ZNF221: variants seen among roughly 807,000 people sequenced by gnomAD.
The protein encoded by ZNF221 is zinc finger protein 221.
ZNF221 carries 10 observed loss-of-function variants against 12.6 expected under a neutral mutation model. That is an observed-to-expected ratio of 0.79 (90% confidence interval 0.49 to 1.34). The LOEUF is 1.34. ZNF221 is among the 40% of genes most tolerant of loss of function. The pLI, the probability that ZNF221 is intolerant of heterozygous loss-of-function variation, is 0.00. For synonymous variants in ZNF221, 232 were observed against 244.0 expected, an observed-to-expected ratio of 0.95 and a Z score of 0.46; for missense variants, 661 against 721.4, an observed-to-expected ratio of 0.92 and a Z score of 0.96.
chr19:43,962,212 C>A (rs1398915602), intron 1 of ZNF221, among the ~76,000 whole-genome samples: 3 of 152,054 alleles, frequency 2.0e-5, no homozygotes, highest in African/African-American at 7.2e-5. Context: ...CCATTTCAGT[C>A]GTACGATTTA....
At chr19:43,965,706 T>A in intron 4 of ZNF221, 98 bp from the exon 5 acceptor site, 1 of 1,154,024 alleles carries the variant, frequency 8.7e-7, no homozygotes, top group South Asian at 1.7e-5. Context: ...ATGTTTCCTG[T>A]TTTCATTAAA....
rs1354234544 is a variant in ZNF221, at chr19:43,954,075, C to T, written c.-3+2675C>T. Among the ~76,000 whole-genome samples, 8 of 117,928 alleles carry T rather than the reference C, an allele frequency of 6.8e-5. No individual in the cohort carries two copies. The Admixed American group carries it at 7.9e-4, about 12-fold the overall frequency. The allele number at this position is 117,928 out of a possible 152,430, so 77.4% of individuals were successfully genotyped here. Reference sequence around the variant, plus strand: ...CCAGCCTGGGCGAGACAGAGTGAGACTCCGTCTCAAAAAAAAAAAAAAAAA... The same window carrying T: ...CCAGCCTGGGCGAGACAGAGTGAGATTCCGTCTCAAAAAAAAAAAAAAAAA... On this transcript the variant is annotated intron_variant, in intron 1 of 4. Transcript: ENST00000587682.
At chr19:43,953,807 C>T (rs1974712731) in intron 1 of ZNF221, among the ~76,000 whole-genome samples, 1 of 152,212 alleles carries the variant, frequency 6.6e-6, no homozygotes, top group East Asian at 1.9e-4. Flanking sequence ...CTCAGCCAGG[C>T]GTGGTGGCTC....
chr19:43,952,166 C>T (rs541201349), intron 1 of ZNF221, among the ~76,000 whole-genome samples: 2 of 152,242 alleles, frequency 1.3e-5, no homozygotes, highest in South Asian at 4.1e-4. Flanking sequence ...AGCCACCGCG[C>T]CCGGCCGTCT....
At chr19:43,959,673 C>G (rs766886627) in intron 1 of ZNF221, among the ~76,000 whole-genome samples, 2 of 152,214 alleles carry the variant, frequency 1.3e-5, no homozygotes, top group Non-Finnish European at 2.9e-5. Context: ...TTCACCTTCT[C>G]CCATGAGTGA....
At chr19:43,956,597 A>G (rs573809922) in intron 1 of ZNF221, among the ~76,000 whole-genome samples, 4 of 152,180 alleles carry the variant, frequency 2.6e-5, no homozygotes, top group African/African-American at 4.8e-5. Flanking sequence ...TGACTAATCT[A>G]CTTGACTACT....
Position 43,965,867 on chromosome 19 carries a change from G to A in ZNF221, c.365G>A (p.Cys122Tyr). 6.2e-7 allele frequency: 1 copy of A among 1,613,908 alleles called. No individual in the cohort carries two copies. Residue 122 changes from cysteine (C) to tyrosine (Y), a missense_variant, in exon 5 of 5, where the codon TGT becomes TAT. By Grantham distance (194) the Cys-to-Tyr change is radical. Transcript: ENST00000587682. ...PEAGPHEEWS[C>Y]QQIWEQIASD... ...GCAGGACCACATGAAGAGTGGTCCT[G>A]TCAGCAAATATGGGAACAAATTGCA...
chr19:43,965,659 A>G (rs1428983614), intron 4 of ZNF221, 145 bp from the exon 5 acceptor site: 1 of 731,696 alleles, frequency 1.4e-6, no homozygotes, highest in African/African-American at 1.8e-5. Flanking sequence ...TCTCTTGAAA[A>G]CCAAAGACCA....
chr19:43,966,149 A>C lies in ZNF221; in HGVS notation c.647A>C (p.His216Pro). The change falls in exon 5 of 5, where the codon CAT becomes CCT. Residue 216 changes from histidine to proline, a missense_variant. Coordinates refer to ENST00000587682, the MANE Select transcript of ZNF221 (RefSeq NM_001297588.2). ...SFCYSPALHI[H>P]QRVHMGEKCY... ...TGTTACAGCCCAGCCCTTCATATTC[A>C]TCAGAGAGTCCATATGGGAGAAAAA... is the stretch of plus-strand genomic sequence containing the variant. 1 of 1,614,212 alleles carries C rather than the reference A, an allele frequency of 6.2e-7. No homozygotes were observed. The highest frequency in any genetic ancestry group is 1.6e-4 in the Middle Eastern group (1 of 6,062).
intron 1 of ZNF221, among the ~76,000 whole-genome samples, chr19:43,954,716 T>C (rs1974728109): frequency 6.6e-6 from 1 of 152,024 alleles, no homozygotes; most frequent in Non-Finnish European, 1.5e-5. Context: ...CCAACACTTG[T>C]AGTTGTAGCC....
chr19:43,966,095 A>T lies in ZNF221; in HGVS notation c.593A>T (p.His198Leu). ...CAATCACACTCAGGAGAGAAATCTC[A>T]TACATGTGGTGAGTGTGGAAAAAGC... Reference protein sequence around the residue: ...HQQSHSGEKSHTCGECGKSFC... With the variant: ...HQQSHSGEKSLTCGECGKSFC... The change falls in exon 5 of 5, where the codon CAT (histidine) becomes CTT (leucine). Residue 198 changes from histidine to leucine, a missense_variant. Coordinates refer to ENST00000587682, the MANE Select transcript of ZNF221 (RefSeq NM_001297588.2). The T allele has an allele frequency of 1.2e-6, 2 of 1,613,172 alleles. No individual in the cohort carries two copies. The highest frequency in any genetic ancestry group is 1.7e-6 in the Non-Finnish European group (2 of 1,179,058).
the ZNF221 span, among the ~76,000 whole-genome samples, chr19:43,974,207 A>G: frequency 1.4e-5 from 2 of 138,962 alleles, no homozygotes; most frequent in African/African-American, 5.4e-5. Flanking sequence ...ATGCACAGAA[A>G]ATTGAAACTG....
At chr19:43,961,396 T>C (rs1407149741) in intron 1 of ZNF221, among the ~76,000 whole-genome samples, 1 of 152,168 alleles carries the variant, frequency 6.6e-6, no homozygotes, top group Non-Finnish European at 1.5e-5. Context: ...CATAGCAAGG[T>C]GATCATGGAG....
intron 1 of ZNF221, among the ~76,000 whole-genome samples, chr19:43,957,666 G>A (rs532210803): frequency 6.3e-4 from 95 of 151,950 alleles, no homozygotes; most frequent in Non-Finnish European, 1.2e-3. Context: ...GGGATGAGTC[G>A]TTTGACTCTG....
At chr19:43,959,493 TG>T (rs1267930610) in intron 1 of ZNF221, among the ~76,000 whole-genome samples, 2 of 152,018 alleles carry the variant, frequency 1.3e-5, no homozygotes, top group African/African-American at 4.8e-5. Flanking sequence ...TAGTGGGAGG[TG>T]TTGGATCCTG....
Position 43,966,388 on chromosome 19 carries a change from C to T in ZNF221, c.886C>T (p.Gln296Ter), listed in dbSNP as rs998093250. The T allele has an allele frequency of 1.9e-6, 3 of 1,613,592 alleles. No individual in the cohort carries two copies. Among genetic ancestry groups the T allele is most frequent in the South Asian group, 1.1e-5 (1 of 91,042 alleles). The change falls in exon 5 of 5, where the codon CAG becomes TAG. Residue 296 changes from glutamine to a stop codon, truncating the protein, a stop_gained. Transcript: ENST00000587682. LOFTEE classifies it low-confidence loss of function (END_TRUNC). ...TGGGAAAGCCTTCATTCATGATTCA[C>T]AGCTTCAAGAACATCAGAGAATCCA... Reference protein sequence around the residue: ...ECGKAFIHDSQLQEHQRIHTG... With the variant: ...ECGKAFIHDS
At position 43,959,055 on chromosome 19, in the gene ZNF221, T is replaced by G. The variant is rs543753840; in HGVS notation, c.-2-3670T>G. The stretch of plus-strand genomic sequence containing the variant: ...TTTACCGTCTGTAATTGTTGCATCA[T>G]GTATCACCATCTGTAATTGTTTCAT... On this transcript the variant is annotated intron_variant, in intron 1 of 4. Coordinates refer to ENST00000587682, the MANE Select transcript of ZNF221 (RefSeq NM_001297588.2). Among the ~76,000 whole-genome samples the G allele has an allele frequency of 2.0e-5, 3 of 152,292 alleles. No individual in the cohort carries two copies. The East Asian group carries it at 5.8e-4, about 29-fold the overall frequency.
rs746654307 is a variant in ZNF221, at chr19:43,967,180, C to T, written c.1678C>T (p.Arg560Ter). Residue 560 changes from arginine (R) to a stop codon, truncating the protein, a stop_gained, in exon 5 of 5, where the codon CGA becomes TGA. Coordinates refer to ENST00000587682, the MANE Select transcript of ZNF221 (RefSeq NM_001297588.2). LOFTEE classifies it low-confidence loss of function (END_TRUNC). Reference sequence around the variant, plus strand: ...GCACCAGAGGGTCCACGGGGGAGAGCGACCCTATAATTGTAAGGAATGTGG... The same window carrying T: ...GCACCAGAGGGTCCACGGGGGAGAGTGACCCTATAATTGTAAGGAATGTGG... ...DMHQRVHGGE[R>*]PYNCKECGKS... The T allele has an allele frequency of 8.8e-6, 14 of 1,587,510 alleles. No individual in the cohort carries two copies. The highest frequency in any genetic ancestry group is 5.7e-5 in the South Asian group (5 of 88,410).
chr19:43,973,453 A>T, the ZNF221 span, among the ~76,000 whole-genome samples: 1 of 152,210 alleles, frequency 6.6e-6, no homozygotes, highest in African/African-American at 2.4e-5. Flanking sequence ...ATAGAGAGGA[A>T]GTCACAGTAT....
Sources: allele counts gnomAD v4.1 joint callset (sites outside exome capture counted in the v4.1 genomes callset), GRCh38; gene constraint gnomAD v4.1.1; transcripts MANE v1.5; gene names NCBI Gene and HGNC (gene_info 2026-07-23, HGNC 2026-07-21).